The following GLYATL3 variants were observed in gnomAD, a reference collection of about 807,000 sequenced individuals.
The protein encoded by GLYATL3 is glycine N-acyltransferase-like protein 3.
Under a neutral mutation model 28.5 loss-of-function variants are expected in GLYATL3, and 31 were observed. The ratio of observed to expected loss-of-function variants is 1.09; its 90% CI spans 0.82 to 1.47. GLYATL3 has a LOEUF of 1.47. GLYATL3 is among the 40% of genes most tolerant of loss of function. The pLI, the probability that GLYATL3 is intolerant of heterozygous loss-of-function variation, is 0.00. For synonymous variants in GLYATL3, 141 were observed against 140.2 expected (o/e 1.01, Z -0.04); for missense variants, 369 against 351.5 (o/e 1.05, Z -0.40).
chr6:49,500,501 T>C (rs1768893708), intron 1 of GLYATL3, among the ~76,000 whole-genome samples: 1 of 152,202 alleles, frequency 6.6e-6, no homozygotes, highest in African/African-American at 2.4e-5. Context: ...TTATAAGACT[T>C]AAAAGTCTCC....
intron 5 of GLYATL3, 27 bp downstream of exon 5, chr6:49,521,798 G>C (rs1322157227): frequency 1.3e-6 from 2 of 1,546,520 alleles, no homozygotes; most frequent in Non-Finnish European, 1.7e-6. Flanking sequence ...TTTGCATTTG[G>C]GGCAGGACTT....
At chr6:49,523,598 G>A (rs781777082) in intron 5 of GLYATL3, among the ~76,000 whole-genome samples, 1 of 152,082 alleles carries the variant, frequency 6.6e-6, no homozygotes, top group African/African-American at 2.4e-5. Flanking sequence ...CTTGCAATTC[G>A]GCCTTTTTAA....
At chr6:49,526,392 G>C in intron 5 of GLYATL3, 96 bp from the exon 6 acceptor site, 1 of 1,057,110 alleles carries the variant, frequency 9.5e-7, no homozygotes, top group Non-Finnish European at 1.4e-6. Flanking sequence ...CAGCCTGGGC[G>C]ACAGAGCAAG....
intron 5 of GLYATL3, among the ~76,000 whole-genome samples, chr6:49,525,482 T>G (rs2127241121): frequency 1.5e-5 from 2 of 136,202 alleles, no homozygotes; most frequent in Admixed American, 1.8e-4. Context: ...GAGAATCGCT[T>G]GAACCGGGGA....
intron 1 of GLYATL3, among the ~76,000 whole-genome samples, chr6:49,508,379 A>C (rs960915737): frequency 2.6e-5 from 4 of 152,246 alleles, no homozygotes; most frequent in Non-Finnish European, 5.9e-5. Context: ...GATATTAATC[A>C]GCAGTAACAG....
intron 4 of GLYATL3, among the ~76,000 whole-genome samples, chr6:49,518,090 T>C (rs1459944626): frequency 2.0e-5 from 3 of 152,202 alleles, no homozygotes; most frequent in African/African-American, 7.2e-5. Context: ...GGTGTGATCA[T>C]ACCTCACTGC....
intron 1 of GLYATL3, among the ~76,000 whole-genome samples, chr6:49,507,506 A>T (rs1769031259): frequency 6.6e-6 from 1 of 152,194 alleles, no homozygotes; most frequent in Non-Finnish European, 1.5e-5. Flanking sequence ...TGGTGTTTAG[A>T]CTGTGATTGT....
Position 49,521,733 on chromosome 6 carries a change from T to C in GLYATL3, c.402T>C (p.His134=), listed in dbSNP as rs1186744966. The C allele has an allele frequency of 2.6e-6, 4 of 1,551,294 alleles. No homozygotes were observed. The highest frequency in any genetic ancestry group is 2.7e-5 in the African/African-American group (2 of 73,056). The change falls in exon 5 of 6, where the codon CAT becomes CAC. Residue 134 remains histidine, a synonymous_variant. Coordinates refer to ENST00000371197, the MANE Select transcript of GLYATL3 (RefSeq NM_001010904.2). ...AGCTAACTTCCTTCAAGGCTGTTCATTTTTCTCCTGTTTCATCTCTGCCAG... is the reference window on the plus strand; with the variant it reads ...AGCTAACTTCCTTCAAGGCTGTTCACTTTTCTCCTGTTTCATCTCTGCCAG... ...NIKLTSFKAV[H]FSPVSSLPDT... is the part of the protein sequence containing the mutation.
At chr6:49,506,155 G>A (rs576866761) in intron 1 of GLYATL3, among the ~76,000 whole-genome samples, 1 of 152,298 alleles carries the variant, frequency 6.6e-6, no homozygotes, top group African/African-American at 2.4e-5. Context: ...GGGCTTAATG[G>A]AGTGAGCTTC....
intron 1 of GLYATL3, among the ~76,000 whole-genome samples, chr6:49,509,247 T>C (rs948769045): frequency 6.6e-6 from 1 of 152,334 alleles, no homozygotes; most frequent in East Asian, 1.9e-4. Context: ...ACTTAGTCAA[T>C]ACTGAAACAT....
intron 1 of GLYATL3, among the ~76,000 whole-genome samples, chr6:49,507,196 A>C (rs991959404): frequency 2.6e-5 from 4 of 152,094 alleles, no homozygotes; most frequent in Non-Finnish European, 1.5e-5. Flanking sequence ...AGGTAAAGGG[A>C]GCAGTTCATC....
chr6:49,513,867 A>G (rs1340020726), intron 2 of GLYATL3, among the ~76,000 whole-genome samples: 3 of 152,218 alleles, frequency 2.0e-5, no homozygotes, highest in Admixed American at 6.5e-5. Context: ...CTACTCGGAA[A>G]GCAGAGGCAG....
chr6:49,524,102 C>T (rs1769361206), intron 5 of GLYATL3, among the ~76,000 whole-genome samples: 1 of 152,122 alleles, frequency 6.6e-6, no homozygotes, highest in Non-Finnish European at 1.5e-5. Context: ...TTTGAACACC[C>T]AGCCCTTTGG....
chr6:49,525,125 A>G, intron 5 of GLYATL3, among the ~76,000 whole-genome samples: 1 of 146,272 alleles, frequency 6.8e-6, no homozygotes. Flanking sequence ...GCAAAAGATT[A>G]GGGCTTCAAG....
chr6:49,502,499 T>G (rs182500236), intron 1 of GLYATL3, among the ~76,000 whole-genome samples: 46 of 152,366 alleles, frequency 3.0e-4, no homozygotes, highest in Admixed American at 2.2e-3. Flanking sequence ...TGAAACGGAT[T>G]TATAGAAAAT....
At chr6:49,514,734 G>T (rs1430890774) in intron 2 of GLYATL3, among the ~76,000 whole-genome samples, 1 of 152,072 alleles carries the variant, frequency 6.6e-6, no homozygotes, top group Non-Finnish European at 1.5e-5. Flanking sequence ...TCAGGAGGCT[G>T]GGGTGGGAGA....
chr6:49,511,907 T>C, intron 1 of GLYATL3, 56 bp from the exon 2 acceptor site: 1 of 663,966 alleles, frequency 1.5e-6, no homozygotes, highest in East Asian at 2.9e-5. Flanking sequence ...AACTCCTAAA[T>C]AGATCCAAAT....
intron 1 of GLYATL3, among the ~76,000 whole-genome samples, chr6:49,501,977 G>T (rs550000023): frequency 6.6e-6 from 1 of 152,338 alleles, no homozygotes; most frequent in South Asian, 2.1e-4. Context: ...GCTGTCTGCA[G>T]GGGGAAGCAC....
At chr6:49,512,948 G>A (rs1769150375) in intron 2 of GLYATL3, among the ~76,000 whole-genome samples, 1 of 152,130 alleles carries the variant, frequency 6.6e-6, no homozygotes, top group East Asian at 1.9e-4. Flanking sequence ...ATATGAATAA[G>A]AATTTGGAAT....
Sources: allele counts gnomAD v4.1 joint callset (sites outside exome capture counted in the v4.1 genomes callset), GRCh38; gene constraint gnomAD v4.1.1; transcripts MANE v1.5; gene names NCBI Gene and HGNC (gene_info 2026-07-23, HGNC 2026-07-21).